CCDC158: variants seen among roughly 807,000 people sequenced by gnomAD.
CCDC158 encodes coiled-coil domain-containing protein 158.
In CCDC158, 116 loss-of-function variants were observed where a neutral mutation model predicts 138.6. The ratio of observed to expected loss-of-function variants is 0.84; its 90% CI spans 0.72 to 0.98. The LOEUF (loss-of-function observed/expected upper bound fraction) is 0.98, where lower values mean the gene tolerates loss of function less well. Ranked by LOEUF, CCDC158 falls within the 50% of genes least tolerant of loss-of-function variation. The pLI is 0.00. For missense variants in CCDC158, 1,265 were observed against 1,306.1 expected (o/e 0.97, Z 0.48); for synonymous variants, 436 against 442.4 (o/e 0.99, Z 0.18).
rs527473070 is a variant in CCDC158 at position 76,406,403 on chromosome 4, G to T, written c.-73-3123C>A. 2.6e-5 allele frequency among the ~76,000 whole-genome samples: 4 copies of T among 152,320 alleles called. No homozygotes were observed. In the East Asian group the frequency reaches 7.7e-4, roughly 29 times the overall value. ...AGGCTTTAACGGACAATTAGTATGA[G>T]ACAGGCCAAGTGGACAAAAAATAAG... On this transcript the variant is annotated intron_variant, in intron 2 of 24. Transcript: ENST00000682701.
chr4:76,325,791 A>C, intron 23 of CCDC158, 66 bp downstream of exon 23: 1 of 1,399,526 alleles, frequency 7.1e-7, no homozygotes, highest in Non-Finnish European at 9.8e-7. Flanking sequence ...TCTGAGTAAA[A>C]AGAACTTACA....
At chr4:76,411,989 G>A (rs187163132) in intron 2 of CCDC158, 101 bp downstream of exon 2, 3 of 152,052 alleles carry the variant, frequency 2.0e-5, no homozygotes, top group Admixed American at 1.3e-4. Flanking sequence ...CAAGGCTTCA[G>A]GTTTTCTAAA....
intron 12 of CCDC158, among the ~76,000 whole-genome samples, chr4:76,365,506 T>TGTTACCCCCTCCTTCCTACCC (rs1724567474): frequency 6.6e-6 from 1 of 152,186 alleles, no homozygotes; most frequent in Non-Finnish European, 1.5e-5. Flanking sequence ...GTCTTCTTCA[T>TGTTACCCCCTCCTTCCTACCC]GTTACCCCCT....
chr4:76,405,462 T>C (rs542386205), intron 2 of CCDC158, among the ~76,000 whole-genome samples: 4 of 152,242 alleles, frequency 2.6e-5, no homozygotes, highest in Admixed American at 1.3e-4. Context: ...CAAGGTTTTG[T>C]GTAGGTTCTA....
chr4:76,319,762 C>T lies in CCDC158; in HGVS notation c.3277+3540G>A, dbSNP rs573651191. 2.3e-3 allele frequency among the ~76,000 whole-genome samples: 354 copies of T among 151,880 alleles called. 7 individuals are homozygous for T. The South Asian group carries it at 0.026, about 11-fold the overall frequency. ...AGCATCCCTTTATAATGAAAACCCTCGGCAAAATCGGCACAGATGGGACAT... is the reference window on the plus strand; with the variant it reads ...AGCATCCCTTTATAATGAAAACCCTTGGCAAAATCGGCACAGATGGGACAT... On this transcript the variant is annotated intron_variant, in intron 24 of 24. Transcript: ENST00000682701.
At chr4:76,328,431 A>G (rs1191592789) in intron 22 of CCDC158, among the ~76,000 whole-genome samples, 1 of 152,182 alleles carries the variant, frequency 6.6e-6, no homozygotes, top group Non-Finnish European at 1.5e-5. Context: ...GAAGTGTGGG[A>G]AAATCGTGAT....
intron 18 of CCDC158, among the ~76,000 whole-genome samples, chr4:76,337,281 C>A (rs1005878310): frequency 1.3e-5 from 2 of 152,084 alleles, no homozygotes; most frequent in African/African-American, 4.8e-5. Flanking sequence ...CCATGCCTGG[C>A]CGATTTAAAT....
intron 3 of CCDC158, among the ~76,000 whole-genome samples, chr4:76,397,495 C>T (rs1727927228): frequency 6.6e-6 from 1 of 152,086 alleles, no homozygotes; most frequent in African/African-American, 2.4e-5. Context: ...GAAGATTGTT[C>T]CTTCAAATAA....
rs1728559177 is a variant in CCDC158, at chr4:76,403,220, T to C, written c.-13A>G. On this transcript the variant is annotated 5_prime_UTR_variant, in exon 3 of 25. Coordinates refer to ENST00000682701, the MANE Select transcript of CCDC158 (RefSeq NM_001394954.1). ...CTTTTGATTCCATATTAAATATTGC[T>C]ACTTCTTATTAGAGATCTTGAAGTA... The C allele has an allele frequency of 1.9e-6, 3 of 1,550,876 alleles. No individual in the cohort carries two copies. Among genetic ancestry groups the C allele is most frequent in the African/African-American group, 1.4e-5 (1 of 73,178 alleles).
intron 3 of CCDC158, among the ~76,000 whole-genome samples, chr4:76,400,785 A>G (rs1728302260): frequency 6.6e-6 from 1 of 152,216 alleles, no homozygotes; most frequent in Non-Finnish European, 1.5e-5. Context: ...GCAGCAGCCC[A>G]TTGAATAACA....
chr4:76,421,456 C>A (rs1730122261), upstream of CCDC158, among the ~76,000 whole-genome samples: 3 of 152,090 alleles, frequency 2.0e-5, no homozygotes, highest in Admixed American at 6.5e-5. Context: ...CTGCACCCGG[C>A]GCCCTCTGCC....
At chr4:76,386,072 C>T (rs75500944) in intron 4 of CCDC158, among the ~76,000 whole-genome samples, 1,637 of 152,270 alleles carry the variant, frequency 0.011, 24 homozygotes, top group African/African-American at 0.037. Context: ...AAATATATCT[C>T]TTTCTTAAGA....
At chr4:76,360,425 C>A (rs562278982) in intron 13 of CCDC158, among the ~76,000 whole-genome samples, 2 of 152,362 alleles carry the variant, frequency 1.3e-5, no homozygotes, top group East Asian at 3.9e-4. Flanking sequence ...GATCCACTGA[C>A]AGCTTGCACT....
At chr4:76,390,575 A>C (rs1194006913) in intron 4 of CCDC158, among the ~76,000 whole-genome samples, 1 of 151,978 alleles carries the variant, frequency 6.6e-6, no homozygotes, top group Non-Finnish European at 1.5e-5. Context: ...GGAAGTGAAG[A>C]CCACAAAACA....
At chr4:76,362,738 C>T (rs547889715) in intron 12 of CCDC158, among the ~76,000 whole-genome samples, 7 of 152,204 alleles carry the variant, frequency 4.6e-5, no homozygotes, top group Non-Finnish European at 8.8e-5. Context: ...GTGAGGGCCT[C>T]TAACCTGGGC....
chr4:76,320,705 T>C (rs199828747), intron 24 of CCDC158, among the ~76,000 whole-genome samples: 5 of 152,098 alleles, frequency 3.3e-5, no homozygotes, highest in African/African-American at 9.7e-5. Context: ...ACACCCTATT[T>C]AACAAATGGT....
intron 18 of CCDC158, among the ~76,000 whole-genome samples, chr4:76,347,802 G>A (rs1722700386): frequency 6.6e-6 from 1 of 152,068 alleles, no homozygotes; most frequent in Non-Finnish European, 1.5e-5. Flanking sequence ...TATTTAAAGA[G>A]GAAGCAAAGA....
At position 76,379,335 on chromosome 4, in the gene CCDC158, C is replaced by T. The variant is rs1294389514; in HGVS notation, c.984G>A (p.Gln328=). Residue 328 remains glutamine (Q), a synonymous_variant, in exon 9 of 25, where the codon CAG becomes CAA. Coordinates refer to ENST00000682701, the MANE Select transcript of CCDC158 (RefSeq NM_001394954.1). ...TGGCTTCCCTTAATTCAGAACGTAG[C>T]TGAGAAACAGTAGATTCCAGATCGC... ...QLSDLESTVS[Q]LRSELREAKR... The T allele has an allele frequency of 6.2e-7, 1 of 1,610,204 alleles. No homozygotes were observed. The highest frequency in any genetic ancestry group is 1.1e-5 in the South Asian group (1 of 90,264).
rs1465204522 is a variant in CCDC158 at position 76,367,362 on chromosome 4, T to C, written c.1762A>G (p.Met588Val). 6.2e-6 allele frequency: 10 copies of C among 1,614,232 alleles called. No individual in the cohort carries two copies. Among genetic ancestry groups the C allele is most frequent in the Non-Finnish European group, 8.5e-6 (10 of 1,180,036 alleles). The change falls in exon 12 of 25, where the codon ATG (methionine) becomes GTG (valine). Residue 588 changes from methionine (M) to valine (V), a missense_variant. Met to Val is a conservative substitution (Grantham distance 21, BLOSUM62 1). Coordinates refer to ENST00000682701, the MANE Select transcript of CCDC158 (RefSeq NM_001394954.1). Reference sequence around the variant, plus strand: ...TCCAGTTGAGCTTTTTCTACTTGCATAGCTCCAGCAGTTCGTCCATGCTGG... The same window carrying C: ...TCCAGTTGAGCTTTTTCTACTTGCACAGCTCCAGCAGTTCGTCCATGCTGG... ...VGQHGRTAGA[M>V]QVEKAQLEKE...
Sources: allele counts gnomAD v4.1 joint callset (sites outside exome capture counted in the v4.1 genomes callset), GRCh38; gene constraint gnomAD v4.1.1; transcripts MANE v1.5; gene names NCBI Gene and HGNC (gene_info 2026-07-23, HGNC 2026-07-21).